The following MCCC2 variants were observed in gnomAD, a reference collection of about 807,000 sequenced individuals.
MCCC2 encodes methylcrotonyl-CoA carboxylase subunit 2.
MCCC2 carries 52 observed loss-of-function variants against 77.2 expected under a neutral mutation model. The ratio of observed to expected loss-of-function variants is 0.67; its 90% CI spans 0.54 to 0.85. The LOEUF is 0.85. Among genes scored for constraint, MCCC2 ranks in the 40% least tolerant of loss-of-function variants. MCCC2 has a pLI of 0.00. For synonymous variants in MCCC2, 253 were observed against 248.4 expected, an observed-to-expected ratio of 1.02 and a Z score of -0.18; for missense variants, 682 against 703.2, an observed-to-expected ratio of 0.97 and a Z score of 0.34.
intron 7 of MCCC2, among the ~76,000 whole-genome samples, chr5:71,630,206 C>T (rs971332584): frequency 6.6e-5 from 10 of 152,048 alleles, no homozygotes; most frequent in Admixed American, 2.6e-4. Context: ...CACGCTTGAC[C>T]GAATGTTGAG....
chr5:71,656,988 C>T lies in MCCC2; in HGVS notation c.*128C>T, dbSNP rs1021424539. The T allele has an allele frequency of 1.4e-6, 1 of 703,182 alleles. No homozygotes were observed. The highest frequency in any genetic ancestry group is 2.5e-6 in the Non-Finnish European group (1 of 396,970). 43.6% of individuals were successfully genotyped at this position (703,182 alleles called of 1,614,324 possible). On this transcript the variant is annotated 3_prime_UTR_variant, in exon 17 of 17. Coordinates refer to ENST00000340941, the MANE Select transcript of MCCC2 (RefSeq NM_022132.5). ...TTTTAACACTGTGCATTGTACTTTT[C>T]TACCTTAAAAAAATCAGTGAGGATA...
intron 14 of MCCC2, 127 bp from the exon 15 acceptor site, chr5:71,649,942 A>G: frequency 1.3e-6 from 1 of 749,784 alleles, no homozygotes; most frequent in South Asian, 1.5e-5. Context: ...TATTTGTGAA[A>G]GCTCTACAGA....
intron 3 of MCCC2, 77 bp from the exon 4 acceptor site, chr5:71,599,582 T>C: frequency 8.6e-7 from 1 of 1,156,578 alleles, no homozygotes; most frequent in African/African-American, 1.5e-5. Context: ...AAAAATCTTT[T>C]CCTTTTCCAT....
At chr5:71,613,665 G>A (rs1169459143) in intron 6 of MCCC2, among the ~76,000 whole-genome samples, 1 of 152,032 alleles carries the variant, frequency 6.6e-6, no homozygotes, top group African/African-American at 2.4e-5. Context: ...GAGCCCAGGA[G>A]GTTGAAGCTT....
In MCCC2 at chr5:71,634,972, T is replaced by C; in HGVS notation, c.833T>C (p.Leu278Ser). 2 of 1,614,166 alleles carry C rather than the reference T, an allele frequency of 1.2e-6. No homozygotes were observed. Among genetic ancestry groups the C allele is most frequent in the African/African-American group, 1.3e-5 (1 of 75,048 alleles). ...RKSGVSDHWA[L>S]DDHHALHLTR... ...TCTGGAGTAAGTGACCACTGGGCTT[T>C]GGATGATCATCATGCCCTTCACTTA... The change falls in exon 9 of 17, where the codon TTG becomes TCG. Residue 278 changes from leucine (L) to serine (S), a missense_variant. By Grantham distance (145) the Leu-to-Ser change is moderately radical. Transcript: ENST00000340941.
chr5:71,637,220 A>G (rs1329104815), intron 10 of MCCC2, among the ~76,000 whole-genome samples: 1 of 152,204 alleles, frequency 6.6e-6, no homozygotes, highest in Admixed American at 6.5e-5. Context: ...CTGTATATGA[A>G]CCTCATAGAG....
chr5:71,622,062 G>T (rs1580306624), intron 6 of MCCC2, among the ~76,000 whole-genome samples: 1 of 151,980 alleles, frequency 6.6e-6, no homozygotes, highest in South Asian at 2.1e-4. Context: ...TGGGAGGATC[G>T]CTTGAGCACA....
chr5:71,617,016 T>C (rs1163012346), intron 6 of MCCC2, among the ~76,000 whole-genome samples: 1 of 149,436 alleles, frequency 6.7e-6, no homozygotes, highest in Non-Finnish European at 1.5e-5. Context: ...TTATTCTTTA[T>C]GTGGCCCTCC....
chr5:71,639,493 G>A (rs1747046635), intron 10 of MCCC2, among the ~76,000 whole-genome samples: 1 of 152,042 alleles, frequency 6.6e-6, no homozygotes, highest in African/African-American at 2.4e-5. Context: ...ACTGAAGAGA[G>A]TTAAGACCTT....
intron 6 of MCCC2, among the ~76,000 whole-genome samples, chr5:71,620,980 G>C (rs1746330944): frequency 6.6e-6 from 1 of 152,110 alleles, no homozygotes; most frequent in Non-Finnish European, 1.5e-5. Context: ...GCAGATGCAG[G>C]TCCCTGTGAT....
chr5:71,616,949 T>C (rs1245956781), intron 6 of MCCC2, among the ~76,000 whole-genome samples: 1 of 152,208 alleles, frequency 6.6e-6, no homozygotes, highest in Non-Finnish European at 1.5e-5. Context: ...CTCACCTGCC[T>C]GGTGTCCCTG....
At chr5:71,618,711 C>T (rs927637906) in intron 6 of MCCC2, among the ~76,000 whole-genome samples, 1 of 152,074 alleles carries the variant, frequency 6.6e-6, no homozygotes, top group Non-Finnish European at 1.5e-5. Context: ...ATAAATTACT[C>T]AGTCTTGGGT....
At chr5:71,601,438 G>C (rs1745426857) in intron 4 of MCCC2, among the ~76,000 whole-genome samples, 3 of 152,188 alleles carry the variant, frequency 2.0e-5, no homozygotes, top group African/African-American at 7.2e-5. Flanking sequence ...TTGAAGTCTA[G>C]TTCGTTTAAT....
At chr5:71,589,579 A>G (rs1394247034) in intron 1 of MCCC2, among the ~76,000 whole-genome samples, 2 of 152,248 alleles carry the variant, frequency 1.3e-5, no homozygotes, top group Non-Finnish European at 2.9e-5. Flanking sequence ...TGATGAAATT[A>G]ATGTGTGCTC....
intron 4 of MCCC2, among the ~76,000 whole-genome samples, chr5:71,600,314 A>G (rs1421315801): frequency 6.6e-6 from 1 of 152,134 alleles, no homozygotes; most frequent in Non-Finnish European, 1.5e-5. Flanking sequence ...TTAATTATAA[A>G]TTCTTTCTTT....
intron 10 of MCCC2, chr5:71,635,713 G>A (rs1398053066): frequency 2.6e-5 from 7 of 265,420 alleles, no homozygotes; most frequent in East Asian, 1.9e-4. Flanking sequence ...ACACATTGTC[G>A]ACATAGTGTT....
At chr5:71,652,618 A>G in intron 15 of MCCC2, 51 bp from the exon 16 acceptor site, 3 of 1,375,808 alleles carry the variant, frequency 2.2e-6, no homozygotes, top group Non-Finnish European at 3.1e-6. Flanking sequence ...TGATCTAAAC[A>G]GGGCCAGTTG....
intron 6 of MCCC2, among the ~76,000 whole-genome samples, chr5:71,610,847 G>A (rs150032405): frequency 0.013 from 2,016 of 152,242 alleles, 23 homozygotes; most frequent in Non-Finnish European, 0.017. Flanking sequence ...TTAGCTGGGC[G>A]TGGTGGCACA....
intron 10 of MCCC2, chr5:71,635,513 T>A: frequency 2.0e-6 from 1 of 494,420 alleles, no homozygotes; most frequent in South Asian, 1.9e-5. Flanking sequence ...TAAGTAAGAC[T>A]CCATGTCCTG....
Sources: allele counts gnomAD v4.1 joint callset (sites outside exome capture counted in the v4.1 genomes callset), GRCh38; gene constraint gnomAD v4.1.1; transcripts MANE v1.5; gene names NCBI Gene and HGNC (gene_info 2026-07-23, HGNC 2026-07-21).